Variants in MACROD2 observed in about 807,000 individuals in gnomAD.
The protein encoded by MACROD2 is ADP-ribose glycohydrolase MACROD2.
MACROD2 carries 36 observed loss-of-function variants against 70.4 expected under a neutral mutation model. That is an observed-to-expected ratio of 0.51 (90% CI 0.39 to 0.68). The LOEUF (loss-of-function observed/expected upper bound fraction) is 0.68, where lower values mean the gene tolerates loss of function less well. MACROD2 is among the 30% of genes least tolerant of loss of function. The pLI is 0.00. For missense variants in MACROD2, 496 were observed against 538.4 expected, an observed-to-expected ratio of 0.92 and a Z score of 0.78; for synonymous variants, 172 against 178.8, an observed-to-expected ratio of 0.96 and a Z score of 0.30.
intron 5 of MACROD2, among the ~76,000 whole-genome samples, chr20:14,745,238 A>G (rs185075016): frequency 2.6e-5 from 4 of 152,304 alleles, no homozygotes; most frequent in Admixed American, 2.0e-4. Flanking sequence ...TCCAACTAAA[A>G]AAATTAGGTT....
intron 16 of MACROD2, among the ~76,000 whole-genome samples, chr20:16,042,653 C>G (rs972001995): frequency 6.6e-6 from 1 of 152,032 alleles, no homozygotes; most frequent in African/African-American, 2.4e-5. Flanking sequence ...GGAATACTCT[C>G]CTGTATTTTA....
At chr20:15,461,519 G>T (rs1020024345) in intron 7 of MACROD2, among the ~76,000 whole-genome samples, 11 of 152,174 alleles carry the variant, frequency 7.2e-5, no homozygotes, top group Non-Finnish European at 1.5e-4. Flanking sequence ...TCCTTAGAAT[G>T]AGTCTTTACA....
chr20:15,029,657 A>G (rs2075259562), intron 5 of MACROD2, among the ~76,000 whole-genome samples: 1 of 152,152 alleles, frequency 6.6e-6, no homozygotes, highest in Non-Finnish European at 1.5e-5. Flanking sequence ...CAATCATTAT[A>G]ATGAAGACCA....
intron 3 of MACROD2, among the ~76,000 whole-genome samples, chr20:14,243,147 T>C (rs1385902075): frequency 6.6e-6 from 1 of 152,216 alleles, no homozygotes; most frequent in Non-Finnish European, 1.5e-5. Flanking sequence ...TTTCAGTTCA[T>C]TGTGTTAACT....
chr20:15,403,393 T>A (rs1339339316), intron 6 of MACROD2, among the ~76,000 whole-genome samples: 1 of 151,514 alleles, frequency 6.6e-6, no homozygotes, highest in African/African-American at 2.4e-5. Context: ...TGTGTGTGTT[T>A]GTTAGAGAGA....
At chr20:15,739,418 C>A (rs770882367) in intron 8 of MACROD2, among the ~76,000 whole-genome samples, 4 of 152,100 alleles carry the variant, frequency 2.6e-5, no homozygotes, top group Non-Finnish European at 4.4e-5. Flanking sequence ...GAGAAGAGAG[C>A]CAGACTCAGG....
At chr20:14,536,161 A>G (rs1315963293) in intron 4 of MACROD2, among the ~76,000 whole-genome samples, 1 of 152,304 alleles carries the variant, frequency 6.6e-6, no homozygotes, top group East Asian at 1.9e-4. Flanking sequence ...ATACCCAACA[A>G]CATATATGTG....
At chr20:15,776,802 T>C (rs538701751) in intron 8 of MACROD2, among the ~76,000 whole-genome samples, 1 of 152,312 alleles carries the variant, frequency 6.6e-6, no homozygotes, top group South Asian at 2.1e-4. Flanking sequence ...AAATTTCATG[T>C]CTTGATTACT....
In MACROD2 at chr20:15,230,050, A is replaced by C. The variant is rs1188721470; in HGVS notation, c.529A>C (p.Ile177Leu). 18 of 1,613,096 alleles carry C rather than the reference A, an allele frequency of 1.1e-5. No individual in the cohort carries two copies. In the South Asian group the frequency reaches 1.9e-4, roughly 17 times the overall value. The change falls in exon 6 of 18, where the codon ATC (isoleucine) becomes CTC (leucine). Residue 177 changes from isoleucine to leucine, a missense_variant. Ile to Leu is a conservative substitution (Grantham distance 5). Coordinates refer to ENST00000684519, the MANE Select transcript of MACROD2 (RefSeq NM_001351661.2). The stretch of plus-strand genomic sequence containing the variant: ...TCTGAAGCTCGTGAAAGAAAATAAC[A>C]TCCGATCAGTTGTAAGTAATTTTAT... Reference protein sequence around the residue: ...SSLKLVKENNIRSVAFPCIST... With the variant: ...SSLKLVKENNLRSVAFPCIST...
In MACROD2 at chr20:15,638,140, A is replaced by G. The variant is rs1282254489; in HGVS notation, c.645+138293A>G. Among the ~76,000 whole-genome samples, 8 of 152,202 alleles carry G rather than the reference A, an allele frequency of 5.3e-5. 1 individual carries two copies. In the South Asian group the frequency reaches 8.3e-4, roughly 16 times the overall value. On this transcript the variant is annotated intron_variant, in intron 8 of 17. Coordinates refer to ENST00000684519, the MANE Select transcript of MACROD2 (RefSeq NM_001351661.2). Reference sequence around the variant, plus strand: ...TGCCACCTGGCTGCAAAACAAACACAAGGAATTTGGCTCTGACATGAAGAA... The same window carrying G: ...TGCCACCTGGCTGCAAAACAAACACGAGGAATTTGGCTCTGACATGAAGAA...
At chr20:14,342,363 A>T (rs2083022230) in intron 3 of MACROD2, among the ~76,000 whole-genome samples, 1 of 152,120 alleles carries the variant, frequency 6.6e-6, no homozygotes, top group Non-Finnish European at 1.5e-5. Context: ...TTTTTTCTTA[A>T]GCCAGAGTTT....
intron 5 of MACROD2, among the ~76,000 whole-genome samples, chr20:15,192,724 G>C (rs1450476118): frequency 3.3e-5 from 5 of 152,208 alleles, no homozygotes; most frequent in African/African-American, 7.2e-5. Context: ...AGTAGATCAA[G>C]TTTTACAGCA....
At chr20:14,258,359 C>CTTT (rs932279476) in intron 3 of MACROD2, among the ~76,000 whole-genome samples, 8 of 150,544 alleles carry the variant, frequency 5.3e-5, no homozygotes, top group African/African-American at 1.7e-4. Flanking sequence ...AAAGTGTTCC[C>CTTT]TTTTCACCAC....
At chr20:14,022,041 AAG>A (rs1471711487) in intron 2 of MACROD2, among the ~76,000 whole-genome samples, 1 of 152,208 alleles carries the variant, frequency 6.6e-6, no homozygotes, top group Non-Finnish European at 1.5e-5. Context: ...ATTTAATTGA[AAG>A]AGAGGCTGAG....
intron 8 of MACROD2, among the ~76,000 whole-genome samples, chr20:15,529,274 GTGTGTGTGTGTGCATGCC>G (rs1274723891): frequency 2.0e-5 from 3 of 150,628 alleles, no homozygotes. Context: ...TGGGATGCGT[GTGTGTGTGTGTGCATGCC>G]TGTGTGTGTG....
intron 5 of MACROD2, among the ~76,000 whole-genome samples, chr20:14,695,819 G>C (rs2071118864): frequency 1.3e-5 from 2 of 152,204 alleles, no homozygotes; most frequent in Non-Finnish European, 2.9e-5. Context: ...CCCTGAGCCA[G>C]AGGCATCCAG....
chr20:15,784,498 A>T (rs1005341120), intron 8 of MACROD2, among the ~76,000 whole-genome samples: 1 of 152,154 alleles, frequency 6.6e-6, no homozygotes, highest in African/African-American at 2.4e-5. Context: ...ACTTGAAAAC[A>T]TTACTCATTT....
At chr20:14,032,410 C>A (rs1327186483) in intron 2 of MACROD2, among the ~76,000 whole-genome samples, 3 of 152,038 alleles carry the variant, frequency 2.0e-5, no homozygotes, top group Non-Finnish European at 2.9e-5. Context: ...AAGGTTTATA[C>A]CCACATCAGT....
At chr20:15,603,883 T>TA (rs796970239) in intron 8 of MACROD2, among the ~76,000 whole-genome samples, 37 of 151,936 alleles carry the variant, frequency 2.4e-4, no homozygotes, top group African/African-American at 7.7e-4. Context: ...TTAATTGTTT[T>TA]AAAAAAATGT....
Sources: allele counts gnomAD v4.1 joint callset (sites outside exome capture counted in the v4.1 genomes callset), GRCh38; gene constraint gnomAD v4.1.1; transcripts MANE v1.5; gene names NCBI Gene and HGNC (gene_info 2026-07-23, HGNC 2026-07-21).